Variants in VWC2L observed in about 807,000 individuals in gnomAD.
VWC2L encodes the protein von Willebrand factor C domain containing 2 like, also known as von Willebrand factor C domain-containing protein 2-like.
VWC2L carries 10 observed loss-of-function variants against 21.6 expected under a neutral mutation model. The observed-to-expected ratio is 0.46, with a 90% CI of 0.29 to 0.78. The LOEUF is 0.78. VWC2L is among the 30% of genes least tolerant of loss of function. The pLI is 0.10. For synonymous variants in VWC2L, 96 were observed against 94.3 expected (o/e 1.02, Z -0.10); for missense variants, 209 against 277.1 (o/e 0.75, Z 1.74).
intron 3 of VWC2L, among the ~76,000 whole-genome samples, chr2:214,476,143 TCA>T (rs370434042): frequency 5.9e-4 from 90 of 152,336 alleles, no homozygotes; most frequent in African/African-American, 2.0e-3. Flanking sequence ...ATAATAATTT[TCA>T]CACTCACAGG....
chr2:214,482,199 A>G (rs1429233596), intron 3 of VWC2L, among the ~76,000 whole-genome samples: 1 of 152,190 alleles, frequency 6.6e-6, no homozygotes, highest in Non-Finnish European at 1.5e-5. Context: ...CCTTAAGAAA[A>G]GTGTTATTTG....
At chr2:214,464,486 C>T (rs1703187707) in intron 3 of VWC2L, among the ~76,000 whole-genome samples, 1 of 152,036 alleles carries the variant, frequency 6.6e-6, no homozygotes, top group South Asian at 2.1e-4. Context: ...GCTTACTTTC[C>T]CTCAGAGTCT....
chr2:214,516,305 C>G (rs1444096213), intron 3 of VWC2L, among the ~76,000 whole-genome samples: 1 of 152,122 alleles, frequency 6.6e-6, no homozygotes, highest in East Asian at 1.9e-4. Flanking sequence ...TCTCACCCAA[C>G]AGCCCTCATC....
intron 3 of VWC2L, among the ~76,000 whole-genome samples, chr2:214,455,109 G>A (rs1703036312): frequency 2.6e-5 from 4 of 152,110 alleles, no homozygotes; most frequent in Non-Finnish European, 5.9e-5. Flanking sequence ...TAGGAACATA[G>A]TCTCTCTTAT....
At chr2:214,474,856 A>G (rs1688485488) in intron 3 of VWC2L, among the ~76,000 whole-genome samples, 1 of 152,170 alleles carries the variant, frequency 6.6e-6, no homozygotes, top group Non-Finnish European at 1.5e-5. Flanking sequence ...TTATCAGGGA[A>G]GGGTTTTTGA....
chr2:214,503,755 A>G (rs1305785760), intron 3 of VWC2L, among the ~76,000 whole-genome samples: 1 of 152,144 alleles, frequency 6.6e-6, no homozygotes, highest in Non-Finnish European at 1.5e-5. Flanking sequence ...AGAAATGATA[A>G]AAGTTTCTGT....
chr2:214,538,405 C>A (rs1689569965), intron 3 of VWC2L, among the ~76,000 whole-genome samples: 1 of 151,998 alleles, frequency 6.6e-6, no homozygotes, highest in African/African-American at 2.4e-5. Flanking sequence ...TATCATGTTA[C>A]AAATGTCTCT....
rs1690067865 is a variant in VWC2L at position 214,566,705 on chromosome 2, C to T, written c.521-8967C>T. Among the ~76,000 whole-genome samples the T allele has an allele frequency of 2.6e-5, 4 of 151,946 alleles. No homozygotes were observed. In the South Asian group the frequency reaches 6.2e-4, roughly 24 times the overall value. ...CCTCCAGCAATAGCAATCTCATCAC[C>T]ACGCTCTTCCCAGGCACCAAAAGGG... On this transcript the variant is annotated intron_variant, in intron 3 of 3. Coordinates refer to ENST00000312504, the MANE Select transcript of VWC2L (RefSeq NM_001080500.4).
At chr2:214,453,283 A>T (rs1388216865) in intron 3 of VWC2L, among the ~76,000 whole-genome samples, 3 of 152,010 alleles carry the variant, frequency 2.0e-5, no homozygotes. Context: ...GTTTTTTTTT[A>T]AATATGAATA....
intron 3 of VWC2L, among the ~76,000 whole-genome samples, chr2:214,484,440 G>C (rs1217829596): frequency 6.6e-6 from 1 of 152,122 alleles, no homozygotes; most frequent in African/African-American, 2.4e-5. Context: ...TTCTCTGGGG[G>C]ACTGCCAAAC....
chr2:214,489,585 G>T (rs779971957), intron 3 of VWC2L, among the ~76,000 whole-genome samples: 1 of 152,230 alleles, frequency 6.6e-6, no homozygotes, highest in Non-Finnish European at 1.5e-5. Flanking sequence ...GTTTGATGTT[G>T]AGATTTCTGG....
chr2:214,525,744 G>T (rs1173666898), intron 3 of VWC2L, among the ~76,000 whole-genome samples: 1 of 152,180 alleles, frequency 6.6e-6, no homozygotes, highest in Non-Finnish European at 1.5e-5. Flanking sequence ...AATAGTCAAT[G>T]ATTGTTGTGA....
At chr2:214,459,407 GTTA>G (rs772063027) in intron 3 of VWC2L, among the ~76,000 whole-genome samples, 12 of 152,126 alleles carry the variant, frequency 7.9e-5, no homozygotes, top group Admixed American at 1.3e-4. Flanking sequence ...ATTCAAAGTG[GTTA>G]TTATTTATTT....
intron 3 of VWC2L, among the ~76,000 whole-genome samples, chr2:214,508,967 C>G (rs1460286965): frequency 6.6e-6 from 1 of 151,724 alleles, no homozygotes; most frequent in East Asian, 1.9e-4. Context: ...TCCTTCTTGT[C>G]TTGCCTTGCC....
At chr2:214,418,355 TG>T (rs1702386916) in intron 2 of VWC2L, among the ~76,000 whole-genome samples, 1 of 152,042 alleles carries the variant, frequency 6.6e-6, no homozygotes, top group African/African-American at 2.4e-5. Flanking sequence ...AGCAGCAGAG[TG>T]TAAGTAACTT....
Position 214,530,888 on chromosome 2 carries a change from A to C in VWC2L, c.521-44784A>C, listed in dbSNP as rs557482393. Among the ~76,000 whole-genome samples, 3 of 152,346 alleles carry C rather than the reference A, an allele frequency of 2.0e-5. No homozygotes were observed. The South Asian group carries it at 6.2e-4, about 32-fold the overall frequency. On this transcript the variant is annotated intron_variant, in intron 3 of 3. Coordinates refer to ENST00000312504, the MANE Select transcript of VWC2L (RefSeq NM_001080500.4). ...TCTAAACCATTGCTTAAACAGCAAT[A>C]TTAACTTTGTGTGTTTTCAGGTAGC... is the stretch of plus-strand genomic sequence containing the variant.
intron 3 of VWC2L, among the ~76,000 whole-genome samples, chr2:214,549,266 G>T (rs1689755702): frequency 6.6e-6 from 1 of 152,160 alleles, no homozygotes; most frequent in Non-Finnish European, 1.5e-5. Context: ...TACCATGTAA[G>T]GTGACATATT....
At chr2:214,554,660 T>C (rs1245237971) in intron 3 of VWC2L, among the ~76,000 whole-genome samples, 2 of 151,936 alleles carry the variant, frequency 1.3e-5, no homozygotes, top group Admixed American at 1.3e-4. Context: ...CAAAACTCCA[T>C]CTCAAAACAA....
intron 3 of VWC2L, among the ~76,000 whole-genome samples, chr2:214,453,673 A>G (rs1457890750): frequency 1.3e-5 from 2 of 151,654 alleles, no homozygotes; most frequent in South Asian, 4.2e-4. Context: ...GCTGTTTTCA[A>G]TGTACAGGCT....
Sources: allele counts gnomAD v4.1 joint callset (sites outside exome capture counted in the v4.1 genomes callset), GRCh38; gene constraint gnomAD v4.1.1; transcripts MANE v1.5; gene names NCBI Gene and HGNC (gene_info 2026-07-23, HGNC 2026-07-21).